CDC42SE2: variants seen among roughly 807,000 people sequenced by gnomAD.
CDC42SE2 encodes CDC42 small effector protein 2.
CDC42SE2 carries 3 observed loss-of-function variants against 11.5 expected under a neutral mutation model. The ratio of observed to expected loss-of-function variants is 0.26; its 90% CI spans 0.12 to 0.67. The LOEUF (loss-of-function observed/expected upper bound fraction) is 0.67, where lower values mean the gene tolerates loss of function less well. Among genes scored for constraint, CDC42SE2 ranks in the 30% least tolerant of loss-of-function variants. The probability of loss-of-function intolerance (pLI) is 0.80; values close to 1 mark genes in which losing one functional copy is unlikely to be tolerated. For synonymous variants in CDC42SE2, 33 were observed against 34.8 expected, an observed-to-expected ratio of 0.95 and a Z score of 0.18; for missense variants, 82 against 106.8, an observed-to-expected ratio of 0.77 and a Z score of 1.02.
At chr5:131,326,214 C>T (rs1758298615) in intron 2 of CDC42SE2, among the ~76,000 whole-genome samples, 1 of 151,938 alleles carries the variant, frequency 6.6e-6, no homozygotes, top group Admixed American at 6.6e-5. Flanking sequence ...ACACCATTCT[C>T]CTGCCTCAGC....
chr5:131,348,732 C>T (rs977781026), intron 2 of CDC42SE2, among the ~76,000 whole-genome samples: 1 of 146,986 alleles, frequency 6.8e-6, no homozygotes. Flanking sequence ...CACTATCTGA[C>T]TTCAAACTAT....
chr5:131,243,723 G>A (rs1456883404), upstream of CDC42SE2, among the ~76,000 whole-genome samples: 3 of 152,226 alleles, frequency 2.0e-5, no homozygotes, highest in Non-Finnish European at 2.9e-5. Context: ...TGAAAATAGA[G>A]AAGTTCTGTT....
At chr5:131,254,018 T>C (rs142292434) in intron 1 of CDC42SE2, among the ~76,000 whole-genome samples, 7 of 152,346 alleles carry the variant, frequency 4.6e-5, no homozygotes, top group South Asian at 4.1e-4. Flanking sequence ...TTCTGTTCAG[T>C]GGAAACACCA....
chr5:131,337,942 T>G (rs1580763899), intron 2 of CDC42SE2, among the ~76,000 whole-genome samples: 1 of 152,146 alleles, frequency 6.6e-6, no homozygotes, highest in Non-Finnish European at 1.5e-5. Context: ...CTCGCCCTGC[T>G]TCCGCTCACG....
At chr5:131,291,869 T>G (rs1343077423) in intron 1 of CDC42SE2, among the ~76,000 whole-genome samples, 1 of 152,214 alleles carries the variant, frequency 6.6e-6, no homozygotes, top group Non-Finnish European at 1.5e-5. Flanking sequence ...TGTACATATG[T>G]AGAAGTGGGG....
intron 1 of CDC42SE2, among the ~76,000 whole-genome samples, chr5:131,312,766 C>T (rs866320153): frequency 6.6e-6 from 1 of 152,192 alleles, no homozygotes; most frequent in African/African-American, 2.4e-5. Flanking sequence ...CCTTGCACTT[C>T]CCGAGTGAGG....
chr5:131,278,850 T>G (rs182495479), intron 1 of CDC42SE2, among the ~76,000 whole-genome samples: 1 of 132,148 alleles, frequency 7.6e-6, no homozygotes, highest in Non-Finnish European at 1.6e-5. Flanking sequence ...AGTGGCTTGG[T>G]CTTGGCTCAC....
chr5:131,292,906 C>CAAAA lies in CDC42SE2; in HGVS notation c.-454-23045_-454-23042dup, dbSNP rs869300653. ...TGGGTGACAGTGCGAGACCCTGTCT[C>CAAAA]AAAAAAAAAAAAAAAAAAAAAAAAA... On this transcript the variant is annotated intron_variant, in intron 1 of 4. Coordinates refer to ENST00000505065, the MANE Select transcript of CDC42SE2 (RefSeq NM_001375635.1). 1.4e-3 allele frequency among the ~76,000 whole-genome samples: 83 copies of CAAAA among 58,892 alleles called. 8 individuals carry two copies. The highest frequency in any genetic ancestry group is 8.2e-3 in the African/African-American group (81 of 9,842). The allele number at this position is 58,892 out of a possible 152,430, so 38.6% of individuals were successfully genotyped here.
intron 1 of CDC42SE2, among the ~76,000 whole-genome samples, chr5:131,253,846 G>A (rs1194332288): frequency 5.9e-5 from 9 of 152,212 alleles, no homozygotes; most frequent in Admixed American, 5.9e-4. Context: ...ATGAAGGATT[G>A]TCTTTTGACA....
At chr5:131,344,512 T>G (rs1758792940) in intron 2 of CDC42SE2, among the ~76,000 whole-genome samples, 1 of 152,210 alleles carries the variant, frequency 6.6e-6, no homozygotes, top group Non-Finnish European at 1.5e-5. Context: ...AAGCTCGAAC[T>G]GGGTGGAGCC....
At chr5:131,336,113 T>A (rs1394704442) in intron 2 of CDC42SE2, among the ~76,000 whole-genome samples, 1 of 152,168 alleles carries the variant, frequency 6.6e-6, no homozygotes, top group East Asian at 1.9e-4. Context: ...GTACCAGTTG[T>A]TCCTTTCCAT....
chr5:131,344,613 C>T (rs771079671), intron 2 of CDC42SE2, among the ~76,000 whole-genome samples: 2 of 152,122 alleles, frequency 1.3e-5, no homozygotes, highest in African/African-American at 4.8e-5. Context: ...AACTTCTGCA[C>T]ACTTAAACGT....
chr5:131,235,393 G>T, the CDC42SE2 span, among the ~76,000 whole-genome samples: 1 of 149,810 alleles, frequency 6.7e-6, no homozygotes, highest in East Asian at 2.0e-4. Flanking sequence ...GGGTTCAAGT[G>T]ATTCTCCTGC....
At chr5:131,238,990 T>A in the CDC42SE2 span, among the ~76,000 whole-genome samples, 2 of 151,890 alleles carry the variant, frequency 1.3e-5, no homozygotes, top group South Asian at 4.2e-4. Context: ...ACCCCGTCTC[T>A]ACTTAAAATA....
At position 131,273,742 on chromosome 5, in the gene CDC42SE2, C is replaced by T. The variant is rs560544935; in HGVS notation, c.-455+9576C>T. 7.3e-5 allele frequency among the ~76,000 whole-genome samples: 11 copies of T among 149,884 alleles called. No homozygotes were observed. In the South Asian group the frequency reaches 2.3e-3, roughly 32 times the overall value. ...GAGCCAAGATCGCACCACTGCACTC[C>T]AGCCTGGCGACAGAGACTCCGTCTC... On this transcript the variant is annotated intron_variant, in intron 1 of 4. Coordinates refer to ENST00000505065, the MANE Select transcript of CDC42SE2 (RefSeq NM_001375635.1).
intron 1 of CDC42SE2, among the ~76,000 whole-genome samples, chr5:131,304,831 A>G (rs576129801): frequency 6.6e-6 from 1 of 152,150 alleles, no homozygotes; most frequent in East Asian, 1.9e-4. Flanking sequence ...CATTAAAAGG[A>G]TCTTGCTTTT....
upstream of CDC42SE2, among the ~76,000 whole-genome samples, chr5:131,259,544 C>T (rs1167142216): frequency 6.6e-6 from 1 of 152,192 alleles, no homozygotes; most frequent in African/African-American, 2.4e-5. Flanking sequence ...TCACTTGACT[C>T]ATTCAGATGT....
rs1293753762 is a variant in CDC42SE2 at position 131,391,310 on chromosome 5, CTGGT to C, written c.*223_*226del. ...AAGAACTTTAAATACTTTAAAACAT[CTGGT>C]TGGGGAGGATTCTGATGACAAGATG... On this transcript the variant is annotated 3_prime_UTR_variant, in exon 5 of 5. Coordinates refer to ENST00000505065, the MANE Select transcript of CDC42SE2 (RefSeq NM_001375635.1). 1 of 197,704 alleles carries C rather than the reference CTGGT, an allele frequency of 5.1e-6. No individual in the cohort carries two copies. The highest frequency in any genetic ancestry group is 1.0e-5 in the Non-Finnish European group (1 of 100,026). The allele number at this position is 197,704 out of a possible 1,614,324, so 12.2% of individuals were successfully genotyped here. A position where few individuals can be genotyped will look rare whatever the true frequency, so the allele number is the denominator to read the frequency against.
chr5:131,375,117 A>G (rs572060217), intron 3 of CDC42SE2, among the ~76,000 whole-genome samples: 18 of 151,758 alleles, frequency 1.2e-4, no homozygotes, highest in Non-Finnish European at 1.6e-4. Flanking sequence ...TTTTAAATAG[A>G]AGGAGAAAAA....
Sources: allele counts gnomAD v4.1 joint callset (sites outside exome capture counted in the v4.1 genomes callset), GRCh38; gene constraint gnomAD v4.1.1; transcripts MANE v1.5; gene names NCBI Gene and HGNC (gene_info 2026-07-23, HGNC 2026-07-21).